The following ATP6V1B2 variants were observed in gnomAD, a reference collection of about 807,000 sequenced individuals.
ATP6V1B2 encodes the protein V-type proton ATPase subunit B, brain isoform.
A neutral mutation model predicts 66.7 loss-of-function variants in ATP6V1B2; 23 were observed. That is an observed-to-expected ratio of 0.34 (90% CI 0.25 to 0.49). The LOEUF (loss-of-function observed/expected upper bound fraction) is 0.49. Ranked by LOEUF, ATP6V1B2 falls within the 20% of genes least tolerant of loss-of-function variation. The pLI is 0.99. For missense variants in ATP6V1B2, 478 were observed against 650.8 expected (o/e 0.73, Z 2.89); for synonymous variants, 278 against 236.7 (o/e 1.17, Z -1.60).
chr8:20,209,677 G>T (rs1284500219), intron 3 of ATP6V1B2, 146 bp downstream of exon 3: 8 of 765,416 alleles, frequency 1.0e-5, no homozygotes, highest in Non-Finnish European at 8.3e-6. Context: ...AACTATTATT[G>T]CATGTTTTTT....
chr8:20,199,230 A>G (rs992913345), intron 1 of ATP6V1B2, among the ~76,000 whole-genome samples: 1 of 152,230 alleles, frequency 6.6e-6, no homozygotes. Context: ...TATTCTTGAC[A>G]AAACTGTTGT....
At chr8:20,217,094 G>A in intron 11 of ATP6V1B2, 126 bp from the exon 12 acceptor site, 1 of 744,968 alleles carries the variant, frequency 1.3e-6, no homozygotes, top group Non-Finnish European at 2.3e-6. Context: ...GATTCATCTA[G>A]GAGACAAATG....
rs1461179088 is a variant in ATP6V1B2, at chr8:20,203,401, A to G, written c.137-1083A>G. On this transcript the variant is annotated intron_variant, in intron 1 of 13. Transcript: ENST00000276390. ...TGAAGGAATTGTAATTTTAAATTCC[A>G]AAGCCACTTGAGTGGACAGACTGGT... 2.6e-5 allele frequency among the ~76,000 whole-genome samples: 4 copies of G among 152,252 alleles called. No individual in the cohort carries two copies. The East Asian group carries it at 7.7e-4, about 29-fold the overall frequency.
chr8:20,209,356 G>T, intron 2 of ATP6V1B2, 77 bp from the exon 3 acceptor site: 1 of 1,396,250 alleles, frequency 7.2e-7, no homozygotes, highest in East Asian at 2.4e-5. Context: ...ACACAACATG[G>T]GAGAGACAGA....
At chr8:20,207,264 G>C (rs573768181) in intron 2 of ATP6V1B2, among the ~76,000 whole-genome samples, 4 of 152,200 alleles carry the variant, frequency 2.6e-5, no homozygotes, top group African/African-American at 9.6e-5. Flanking sequence ...AAAATTTAGG[G>C]CCCTGAAATC....
rs576758914 is a variant in ATP6V1B2, at chr8:20,210,506, T to C, written c.386-63T>C. 48 of 1,606,744 alleles carry C rather than the reference T, an allele frequency of 3.0e-5. No homozygotes were observed. The South Asian group carries it at 3.3e-4, about 11-fold the overall frequency. ...TTTAAACATATTTCCATAATGTCTT[T>C]TAAAAATTATGAACATTTGAAAGTC... is the stretch of plus-strand genomic sequence containing the variant. On this transcript the variant is annotated intron_variant, in intron 4 of 13. Transcript: ENST00000276390.
intron 2 of ATP6V1B2, among the ~76,000 whole-genome samples, chr8:20,205,359 C>T (rs1407411701): frequency 6.6e-6 from 1 of 152,094 alleles, no homozygotes; most frequent in Non-Finnish European, 1.5e-5. Flanking sequence ...TGGTGGACAA[C>T]GAGAACGGGG....
chr8:20,209,884 A>G (rs2072775814), intron 3 of ATP6V1B2, among the ~76,000 whole-genome samples: 2 of 152,104 alleles, frequency 1.3e-5, no homozygotes, highest in African/African-American at 4.8e-5. Flanking sequence ...TTACCTCACT[A>G]TGGGTAATGG....
chr8:20,198,118 G>C (rs1167596222), intron 1 of ATP6V1B2, among the ~76,000 whole-genome samples: 1 of 152,228 alleles, frequency 6.6e-6, no homozygotes, highest in Admixed American at 6.5e-5. Flanking sequence ...ATCAGAGAAC[G>C]CTAGAGCTGA....
intron 3 of ATP6V1B2, among the ~76,000 whole-genome samples, chr8:20,209,906 A>C: frequency 6.6e-6 from 1 of 152,012 alleles, no homozygotes; most frequent in South Asian, 2.1e-4. Flanking sequence ...AATTTTCTAA[A>C]ATAACATGTT....
chr8:20,220,517 T>A lies in ATP6V1B2; in HGVS notation c.*115T>A. ...GGAGTTTACCATGTTACCCTGTAAT[T>A]AAAAACAAAGAATAGGTAACATATT... On this transcript the variant is annotated 3_prime_UTR_variant, in exon 14 of 14. Transcript: ENST00000276390. The A allele has an allele frequency of 7.3e-7, 1 of 1,365,080 alleles. No homozygotes were observed. The highest frequency in any genetic ancestry group is 9.6e-7 in the Non-Finnish European group (1 of 1,037,590). 84.6% of individuals were successfully genotyped at this position (1,365,080 alleles called of 1,614,324 possible).
chr8:20,197,517 G>C lies in ATP6V1B2; in HGVS notation c.111G>C (p.Arg37=). The change falls in exon 1 of 14, where the codon CGG becomes CGC. Residue 37 remains arginine (R), a synonymous_variant. Transcript: ENST00000276390. ...GAREQALAVS[R]NYLSQPRLTY... ...GGGAGCAGGCGCTGGCAGTCAGTCGGAACTACCTCTCCCAGCCTCGCCTCA... is the reference window on the plus strand; with the variant it reads ...GGGAGCAGGCGCTGGCAGTCAGTCGCAACTACCTCTCCCAGCCTCGCCTCA... 4 of 1,472,176 alleles carry C rather than the reference G, an allele frequency of 2.7e-6. No individual in the cohort carries two copies. The highest frequency in any genetic ancestry group is 3.6e-6 in the Non-Finnish European group (4 of 1,108,564). 91.2% of individuals were successfully genotyped at this position (1,472,176 alleles called of 1,614,324 possible). A position where few individuals can be genotyped will look rare whatever the true frequency, so the allele number is the denominator to read the frequency against.
Position 20,220,719 on chromosome 8 carries a change from T to G in ATP6V1B2, c.*317T>G. ...TAACAGTCTTGTTATTTGGGTCTCT[T>G]AGACCTTACCTCTCAACTCCCTCAA... On this transcript the variant is annotated 3_prime_UTR_variant, in exon 14 of 14. Transcript: ENST00000276390. 1 of 200,996 alleles carries G rather than the reference T, an allele frequency of 5.0e-6. No individual in the cohort carries two copies. Among genetic ancestry groups the G allele is most frequent in the East Asian group, 1.2e-4 (1 of 8,332 alleles). The allele number at this position is 200,996 out of a possible 1,614,324, so 12.5% of individuals were successfully genotyped here. A position where few individuals can be genotyped will look rare whatever the true frequency, so the allele number is the denominator to read the frequency against.
At chr8:20,212,481 G>A (rs183439629) in intron 8 of ATP6V1B2, among the ~76,000 whole-genome samples, 2 of 152,292 alleles carry the variant, frequency 1.3e-5, no homozygotes, top group East Asian at 1.9e-4. Context: ...TCAACTCTCT[G>A]TAAATGATTT....
chr8:20,205,082 A>C (rs535877259), intron 2 of ATP6V1B2, among the ~76,000 whole-genome samples: 1 of 152,316 alleles, frequency 6.6e-6, no homozygotes, highest in Non-Finnish European at 1.5e-5. Context: ...GCCATAATCA[A>C]ACTGAAGTTG....
chr8:20,211,584 G>A (rs2072793760), intron 6 of ATP6V1B2, 68 bp from the exon 7 acceptor site: 1 of 1,502,106 alleles, frequency 6.7e-7, no homozygotes, highest in South Asian at 1.2e-5. Context: ...AAAGTTTATG[G>A]TAAAAGTTAT....
Position 20,220,627 on chromosome 8 carries a change from G to A in ATP6V1B2, c.*225G>A, listed in dbSNP as rs145020321. 4 of 529,540 alleles carry A rather than the reference G, an allele frequency of 7.6e-6. No individual in the cohort carries two copies. Among genetic ancestry groups the A allele is most frequent in the Non-Finnish European group, 1.2e-5 (4 of 328,422 alleles). The allele number at this position is 529,540 out of a possible 1,614,324, so 32.8% of individuals were successfully genotyped here. ...TCCTCAGTGCTATGTTTAAAGTGCT[G>A]CAGGGATGGAGTGGCGTTTTCTTAT... is the stretch of plus-strand genomic sequence containing the variant. On this transcript the variant is annotated 3_prime_UTR_variant, in exon 14 of 14. Coordinates refer to ENST00000276390, the MANE Select transcript of ATP6V1B2 (RefSeq NM_001693.4).
chr8:20,204,671 C>T (rs1356339545), intron 2 of ATP6V1B2, 132 bp downstream of exon 2: 5 of 683,506 alleles, frequency 7.3e-6, no homozygotes, highest in Non-Finnish European at 1.2e-5. Context: ...GTCTAAAGCC[C>T]AGATACCATG....
chr8:20,216,286 C>T, intron 10 of ATP6V1B2, 127 bp from the exon 11 acceptor site: 1 of 698,866 alleles, frequency 1.4e-6, no homozygotes. Context: ...ACTCTAAGAA[C>T]ACTCTTCTAA....
Sources: allele counts gnomAD v4.1 joint callset (sites outside exome capture counted in the v4.1 genomes callset), GRCh38; gene constraint gnomAD v4.1.1; transcripts MANE v1.5; gene names NCBI Gene and HGNC (gene_info 2026-07-23, HGNC 2026-07-21).